The following CUX2 variants were observed in gnomAD, a reference collection of about 807,000 sequenced individuals.
The protein encoded by CUX2 is homeobox protein cut-like 2.
CUX2 carries 40 observed loss-of-function variants against 144.8 expected under a neutral mutation model. The ratio of observed to expected loss-of-function variants is 0.28; its 90% confidence interval spans 0.21 to 0.36. The LOEUF (loss-of-function observed/expected upper bound fraction) is 0.36, where lower values mean the gene tolerates loss of function less well. Among genes scored for constraint, CUX2 ranks in the 10% least tolerant of loss-of-function variants. The pLI is 1.00. For missense variants in CUX2, 1,615 were observed against 1,994.0 expected, an observed-to-expected ratio of 0.81 and a Z score of 3.62; for synonymous variants, 827 against 875.6, an observed-to-expected ratio of 0.94 and a Z score of 0.98.
At position 111,094,533 on chromosome 12, in the gene CUX2, C is replaced by T. The variant is rs377614554; in HGVS notation, c.63+60293C>T. Among the ~76,000 whole-genome samples the T allele has an allele frequency of 5.1e-4, 77 of 152,304 alleles. 1 individual carries two copies. Among genetic ancestry groups the T allele is most frequent in the African/African-American group, 1.6e-3 (67 of 41,562 alleles). Reference sequence around the variant, plus strand: ...TTTTTCTTTGAGACAGGGTCTTGCTCGGTTGCCCAGGCTAAGAGCAGTGGT... The same window carrying T: ...TTTTTCTTTGAGACAGGGTCTTGCTTGGTTGCCCAGGCTAAGAGCAGTGGT... On this transcript the variant is annotated intron_variant, in intron 1 of 21. Transcript: ENST00000261726.
chr12:111,118,485 G>A (rs1487598746), intron 1 of CUX2, among the ~76,000 whole-genome samples: 1 of 152,130 alleles, frequency 6.6e-6, no homozygotes, highest in Non-Finnish European at 1.5e-5. Flanking sequence ...TTACCAGTCA[G>A]GGCTTTTTTC....
intron 3 of CUX2, among the ~76,000 whole-genome samples, chr12:111,258,788 C>T (rs1045542362): frequency 5.3e-5 from 8 of 152,258 alleles, no homozygotes; most frequent in African/African-American, 9.6e-5. Context: ...TGGGCTCAAG[C>T]GAGTCTCCTA....
At chr12:111,236,392 A>G (rs1352448075) in intron 3 of CUX2, among the ~76,000 whole-genome samples, 1 of 152,216 alleles carries the variant, frequency 6.6e-6, no homozygotes, top group Non-Finnish European at 1.5e-5. Context: ...CATTGTCACA[A>G]GCCCCTGGGA....
At chr12:111,071,966 C>T (rs1056232718) in intron 1 of CUX2, among the ~76,000 whole-genome samples, 6 of 152,268 alleles carry the variant, frequency 3.9e-5, no homozygotes, top group South Asian at 2.1e-4. Context: ...CCTGTTCTAT[C>T]GATCTATTTG....
chr12:111,262,221 T>C (rs1884162854), intron 3 of CUX2, among the ~76,000 whole-genome samples: 2 of 152,192 alleles, frequency 1.3e-5, no homozygotes, highest in Admixed American at 1.3e-4. Flanking sequence ...TCTGCCTTAT[T>C]CATGGCTGGG....
chr12:111,322,708 G>T lies in CUX2; in HGVS notation c.2926+128G>T. The stretch of plus-strand genomic sequence containing the variant: ...CCCTGCTGCCCTGGCTTTCATCCCA[G>T]TCACTGTCATGGCTGCACTGGAACA... On this transcript the variant is annotated intron_variant, in intron 18 of 21. Transcript: ENST00000261726. This position sits in a 1 kb window ranked among gnomAD's most constrained non-coding sequence, Gnocchi z 4.2. 1 of 1,231,964 alleles carries T rather than the reference G, an allele frequency of 8.1e-7. No homozygotes were observed. 76.3% of individuals were successfully genotyped at this position (1,231,964 alleles called of 1,614,324 possible).
Position 111,302,094 on chromosome 12 carries a change from C to A in CUX2, c.754-2116C>A, listed in dbSNP as rs552967129. Reference sequence around the variant, plus strand: ...GACTTGAACCATTTCTGGAACAAGGCAAGATACGTATAAATAAATAATAAA... The same window carrying A: ...GACTTGAACCATTTCTGGAACAAGGAAAGATACGTATAAATAAATAATAAA... On this transcript the variant is annotated intron_variant, in intron 9 of 21. Transcript: ENST00000261726. Among the ~76,000 whole-genome samples, 15 of 152,234 alleles carry A rather than the reference C, an allele frequency of 9.9e-5. No homozygotes were observed. In the East Asian group the frequency reaches 2.5e-3, roughly 25 times the overall value.
At chr12:111,050,924 T>C (rs1870233965) in intron 1 of CUX2, among the ~76,000 whole-genome samples, 1 of 152,126 alleles carries the variant, frequency 6.6e-6, no homozygotes, top group Non-Finnish European at 1.5e-5. Flanking sequence ...AGGAATACAT[T>C]CTAATGTTTG....
chr12:111,127,480 C>T (rs988181162), intron 1 of CUX2, among the ~76,000 whole-genome samples: 5 of 152,230 alleles, frequency 3.3e-5, no homozygotes, highest in African/African-American at 1.2e-4. Flanking sequence ...GTCACATCAG[C>T]CAGCACAGTA....
chr12:111,117,366 C>CT (rs1874371159), intron 1 of CUX2, among the ~76,000 whole-genome samples: 2 of 152,184 alleles, frequency 1.3e-5, no homozygotes, highest in Non-Finnish European at 2.9e-5. Flanking sequence ...GCCACCAGCT[C>CT]TGATGTGCCA....
chr12:111,095,213 CT>C (rs1192716793), intron 1 of CUX2, among the ~76,000 whole-genome samples: 1 of 152,176 alleles, frequency 6.6e-6, no homozygotes, highest in Admixed American at 6.5e-5. Flanking sequence ...AATCCTAGAA[CT>C]TTGGGAGACA....
Position 111,304,363 on chromosome 12 carries a change from G to A in CUX2, c.858+49G>A, listed in dbSNP as rs755391595. On this transcript the variant is annotated intron_variant, in intron 10 of 21. Coordinates refer to ENST00000261726, the MANE Select transcript of CUX2 (RefSeq NM_015267.4). The surrounding 1 kb of genome is among the most constrained non-coding windows in gnomAD (Gnocchi z 4.7). ...AGCAGGGAGGGCAGAGGGAAAGATC[G>A]GGAATGGCTGAGTTTGCAGGTTTCA... 37 of 1,483,052 alleles carry A rather than the reference G, an allele frequency of 2.5e-5. No individual in the cohort carries two copies. The East Asian group carries it at 3.0e-4, about 12-fold the overall frequency. The allele number at this position is 1,483,052 out of a possible 1,614,324, so 91.9% of individuals were successfully genotyped here. A position where few individuals can be genotyped will look rare whatever the true frequency, so the allele number is the denominator to read the frequency against.
chr12:111,142,477 C>T (rs1298569620), intron 1 of CUX2, among the ~76,000 whole-genome samples: 1 of 149,984 alleles, frequency 6.7e-6, no homozygotes, highest in African/African-American at 2.5e-5. Context: ...GAGGTAGCTC[C>T]GTCTGTCTGC....
chr12:111,291,600 C>T (rs2136331563), intron 5 of CUX2, 48 bp downstream of exon 5: 2 of 1,499,238 alleles, frequency 1.3e-6, no homozygotes, highest in African/African-American at 1.4e-5. Context: ...AACCAGGCTG[C>T]AGATCTTCAG....
chr12:111,248,369 G>A (rs575613111), intron 3 of CUX2, among the ~76,000 whole-genome samples: 1 of 152,272 alleles, frequency 6.6e-6, no homozygotes, highest in African/African-American at 2.4e-5. Context: ...TGCAGGCACC[G>A]CAAATGGCCT....
At position 111,322,397 on chromosome 12, in the gene CUX2, AC is replaced by A. The variant is rs905974632; in HGVS notation, c.2767-18del. 2.0e-6 allele frequency: 3 copies of A among 1,532,354 alleles called. No individual in the cohort carries two copies. The highest frequency in any genetic ancestry group is 2.6e-6 in the Non-Finnish European group (3 of 1,138,582). The allele number at this position is 1,532,354 out of a possible 1,614,324, so 94.9% of individuals were successfully genotyped here. A position where few individuals can be genotyped will look rare whatever the true frequency, so the allele number is the denominator to read the frequency against. On this transcript the variant is annotated intron_variant, in intron 17 of 21. Transcript: ENST00000261726. This position sits in a 1 kb window ranked among gnomAD's most constrained non-coding sequence, Gnocchi z 4.2. Reference sequence around the variant, plus strand: ...CCATGTCCCAGGGGCCTGCTGACCTACCCCCCTGGCCCGCCCCTCGCAGGTG... The same window carrying A: ...CCATGTCCCAGGGGCCTGCTGACCTACCCCCTGGCCCGCCCCTCGCAGGTG...
chr12:111,220,332 T>C (rs1881779164), intron 3 of CUX2, among the ~76,000 whole-genome samples: 1 of 152,136 alleles, frequency 6.6e-6, no homozygotes, highest in African/African-American at 2.4e-5. Context: ...GCCACTTTCC[T>C]AACTAGGTGT....
At chr12:111,096,853 C>G (rs975231310) in intron 1 of CUX2, among the ~76,000 whole-genome samples, 1 of 152,024 alleles carries the variant, frequency 6.6e-6, no homozygotes, top group African/African-American at 2.4e-5. Context: ...TGGTGGGCAC[C>G]TGTAATCCCG....
intron 1 of CUX2, among the ~76,000 whole-genome samples, chr12:111,082,223 T>C (rs921563171): frequency 6.6e-6 from 1 of 152,166 alleles, no homozygotes; most frequent in Non-Finnish European, 1.5e-5. Flanking sequence ...CTGCTCATGT[T>C]GTGGACAGAG....
Sources: allele counts gnomAD v4.1 joint callset (sites outside exome capture counted in the v4.1 genomes callset), GRCh38; gene constraint gnomAD v4.1.1; non-coding constraint Gnocchi (gnomAD v3.1); transcripts MANE v1.5; gene names NCBI Gene and HGNC (gene_info 2026-07-23, HGNC 2026-07-21).